Variants in DMD observed in about 807,000 individuals in gnomAD.
DMD encodes mutant dystrophin.
In DMD, 63 loss-of-function variants were observed where a neutral mutation model predicts 330.1. That is an observed-to-expected ratio of 0.19 (90% CI 0.16 to 0.24). The LOEUF is 0.24. Among genes scored for constraint, DMD ranks in the 10% least tolerant of loss-of-function variants. The pLI, the probability that DMD is intolerant of heterozygous loss-of-function variation, is 1.00. For missense variants in DMD, 3,344 were observed against 2,684.1 expected, an observed-to-expected ratio of 1.25 and a Z score of -5.43; for synonymous variants, 1,223 against 959.8, an observed-to-expected ratio of 1.27 and a Z score of -5.07.
rs986719708 is a variant in DMD at position 31,736,037 on chromosome X, T to C, written c.7543-6289A>G. On this transcript the variant is annotated intron_variant, in intron 51 of 78. Coordinates refer to ENST00000357033, the MANE Select transcript of DMD (RefSeq NM_004006.3). ...AACCAAGGGCCCTGCGTTTTCATTT[T>C]TCACTGGGCTCTACAGATTACGTAC... Among the ~76,000 whole-genome samples, 3 of 111,760 alleles carry C rather than the reference T, an allele frequency of 2.7e-5. No homozygotes were observed. In the Admixed American group the frequency reaches 2.9e-4, roughly 11 times the overall value.
chrX:31,864,636 C>T (rs1027055168), intron 48 of DMD, among the ~76,000 whole-genome samples: 1 of 109,313 alleles, frequency 9.1e-6, no homozygotes, highest in Non-Finnish European at 1.9e-5. Flanking sequence ...ACTACAGGTG[C>T]GTGCCACCAT....
chrX:32,388,780 T>G (rs1255264740), intron 32 of DMD, among the ~76,000 whole-genome samples: 1 of 110,761 alleles, frequency 9.0e-6, no homozygotes, highest in East Asian at 2.8e-4. Flanking sequence ...ACATGTAGAG[T>G]TATAATAATA....
intron 44 of DMD, among the ~76,000 whole-genome samples, chrX:32,185,246 CA>C (rs1197869156): frequency 9.0e-6 from 1 of 111,328 alleles, no homozygotes; most frequent in African/African-American, 3.3e-5. Context: ...GAGCAAGAGG[CA>C]GTCCCACATA....
chrX:31,366,492 AAAAACAT>A, intron 60 of DMD, among the ~76,000 whole-genome samples: 1 of 100,486 alleles, frequency 1.0e-5, no homozygotes, highest in Non-Finnish European at 2.0e-5. Context: ...AAAAAAAAAA[AAAAACAT>A]AAAAAAAAAA....
rs113493320 is a variant in DMD, at chrX:32,880,432, T to G, written c.94-30612A>C. Reference sequence around the variant, plus strand: ...CATGAAAATCCCTTTAAGTTTCTAGTCTATAGTTGATATCAATTTCAACCC... The same window carrying G: ...CATGAAAATCCCTTTAAGTTTCTAGGCTATAGTTGATATCAATTTCAACCC... On this transcript the variant is annotated intron_variant, in intron 2 of 78. Coordinates refer to ENST00000357033, the MANE Select transcript of DMD (RefSeq NM_004006.3). 4.4e-3 allele frequency among the ~76,000 whole-genome samples: 492 copies of G among 111,369 alleles called. 8 individuals carry two copies. The East Asian group carries it at 0.067, about 15-fold the overall frequency.
intron 7 of DMD, among the ~76,000 whole-genome samples, chrX:32,729,685 A>G (rs12860845): frequency 1.8e-5 from 2 of 112,040 alleles, no homozygotes; most frequent in Admixed American, 1.9e-4. Flanking sequence ...GAAGAAGTGT[A>G]TATTTGTATA....
At chrX:32,512,124 A>G (rs990854024) in intron 18 of DMD, among the ~76,000 whole-genome samples, 1 of 112,053 alleles carries the variant, frequency 8.9e-6, no homozygotes, top group Non-Finnish European at 1.9e-5. Flanking sequence ...AAAGTAAAAT[A>G]ATTTGAAGCA....
Position 32,430,155 on chromosome X carries a change from T to C in DMD, c.4071+8086A>G, listed in dbSNP as rs769886674. ...ATTGCTTTTTTATTCTTATTCATTG[T>C]TGTAGATAAGAAGTCTAATGACAGC... On this transcript the variant is annotated intron_variant, in intron 29 of 78. Coordinates refer to ENST00000357033, the MANE Select transcript of DMD (RefSeq NM_004006.3). Among the ~76,000 whole-genome samples, 120 of 111,778 alleles carry C rather than the reference T, an allele frequency of 1.1e-3. 1 individual carries two copies. Among genetic ancestry groups the C allele is most frequent in the Non-Finnish European group, 2.1e-3 (110 of 53,097 alleles).
chrX:33,264,924 T>C (rs2148907656), intron 1 of DMD, among the ~76,000 whole-genome samples: 1 of 110,558 alleles, frequency 9.0e-6, no homozygotes, highest in African/African-American at 3.3e-5. Flanking sequence ...ATGTAGTCCA[T>C]TAAATTTCAT....
At chrX:31,946,546 A>C (rs1438057940) in intron 45 of DMD, among the ~76,000 whole-genome samples, 3 of 111,816 alleles carry the variant, frequency 2.7e-5, no homozygotes, top group African/African-American at 9.7e-5. Context: ...TACCTAACAG[A>C]TTACTCAAGA....
At chrX:32,763,404 G>A (rs1160614768) in intron 7 of DMD, among the ~76,000 whole-genome samples, 1 of 111,665 alleles carries the variant, frequency 9.0e-6, no homozygotes, top group African/African-American at 3.3e-5. Context: ...TGACCCTGTA[G>A]GCCAAAATAA....
chrX:31,801,580 TCCCC>T (rs761209143), intron 50 of DMD, among the ~76,000 whole-genome samples: 1 of 64,660 alleles, frequency 1.5e-5, no homozygotes, highest in Non-Finnish European at 3.0e-5. Context: ...AGTGTCCTCA[TCCCC>T]CCCCCCCAAC....
intron 34 of DMD, among the ~76,000 whole-genome samples, chrX:32,376,612 C>A (rs2097903945): frequency 9.0e-6 from 1 of 111,201 alleles, no homozygotes; most frequent in Admixed American, 9.6e-5. Context: ...GAATGCCTGG[C>A]TGCTTTGGTG....
At chrX:31,678,038 G>T (rs1487313082) in intron 53 of DMD, among the ~76,000 whole-genome samples, 1 of 112,230 alleles carries the variant, frequency 8.9e-6, no homozygotes, top group East Asian at 2.8e-4. Flanking sequence ...AATTGGAAAA[G>T]TCTGGGTTTC....
intron 9 of DMD, among the ~76,000 whole-genome samples, chrX:32,681,386 A>G (rs954070911): frequency 1.8e-5 from 2 of 111,759 alleles, no homozygotes; most frequent in Non-Finnish European, 1.9e-5. Flanking sequence ...TGGAAAAATC[A>G]AACATGTGTT....
At chrX:32,895,608 A>G (rs1443754185) in intron 2 of DMD, among the ~76,000 whole-genome samples, 3 of 111,072 alleles carry the variant, frequency 2.7e-5, no homozygotes, top group African/African-American at 9.9e-5. Flanking sequence ...CTGGTCAGAC[A>G]CTCCCATTCC....
intron 47 of DMD, among the ~76,000 whole-genome samples, chrX:31,899,353 C>A (rs1460206273): frequency 9.3e-6 from 1 of 107,002 alleles, no homozygotes; most frequent in Non-Finnish European, 1.9e-5. Flanking sequence ...TTTTTTTAAC[C>A]ATTTTTGGCC....
intron 43 of DMD, among the ~76,000 whole-genome samples, chrX:32,272,188 CAGAG>C (rs1423467687): frequency 9.0e-6 from 1 of 111,643 alleles, no homozygotes; most frequent in African/African-American, 3.3e-5. Flanking sequence ...AATAGGTAAA[CAGAG>C]AGTTCTATGA....
intron 55 of DMD, among the ~76,000 whole-genome samples, chrX:31,558,816 T>C (rs968648791): frequency 9.0e-6 from 1 of 111,072 alleles, no homozygotes; most frequent in African/African-American, 3.3e-5. Flanking sequence ...CCAGATCTCC[T>C]TGAAAGGGTC....
Sources: gnomAD v4.1 joint callset for allele counts (sites outside exome capture counted in the v4.1 genomes callset) on GRCh38, gnomAD v4.1.1 for gene constraint, MANE v1.5 for transcripts, NCBI Gene and HGNC (gene_info 2026-07-23, HGNC 2026-07-21) for gene names.